The following ELP4 variants were observed in gnomAD, a reference collection of about 807,000 sequenced individuals.
ELP4 encodes the protein elongator complex protein 4.
A neutral mutation model predicts 48.9 loss-of-function variants in ELP4; 51 were observed. The ratio of observed to expected loss-of-function variants is 1.04; its 90% CI spans 0.83 to 1.32. ELP4 has a LOEUF of 1.32. Ranked by LOEUF, ELP4 falls within the 40% of genes most tolerant of loss-of-function variation. ELP4 has a pLI of 0.00. For synonymous variants in ELP4, 210 were observed against 189.2 expected (o/e 1.11, Z -0.90); for missense variants, 519 against 514.6 (o/e 1.01, Z -0.08).
At chr11:31,593,441 GTCA>G (rs1957622629) in intron 3 of ELP4, among the ~76,000 whole-genome samples, 1 of 151,914 alleles carries the variant, frequency 6.6e-6, no homozygotes, top group Non-Finnish European at 1.5e-5. Context: ...ATGGAGTTTT[GTCA>G]TGTTGCCCAA....
At chr11:31,603,156 G>T (rs1957813288) in intron 4 of ELP4, among the ~76,000 whole-genome samples, 1 of 151,726 alleles carries the variant, frequency 6.6e-6, no homozygotes, top group South Asian at 2.1e-4. Context: ...TCTAATGTGG[G>T]TCATATACAT....
intron 3 of ELP4, among the ~76,000 whole-genome samples, chr11:31,590,982 T>G (rs1957559464): frequency 6.6e-6 from 1 of 152,182 alleles, no homozygotes; most frequent in South Asian, 2.1e-4. Context: ...AATTAAGATC[T>G]TTGGTCCATC....
intron 9 of ELP4, among the ~76,000 whole-genome samples, chr11:31,741,185 C>A (rs370650540): frequency 1.3e-5 from 2 of 152,034 alleles, no homozygotes; most frequent in East Asian, 1.9e-4. Flanking sequence ...GGCAGCGAGG[C>A]TAGGGGAGGG....
At chr11:31,713,340 C>T (rs1393946509) in intron 9 of ELP4, among the ~76,000 whole-genome samples, 1 of 152,014 alleles carries the variant, frequency 6.6e-6, no homozygotes, top group Non-Finnish European at 1.5e-5. Flanking sequence ...CTAACTTTTC[C>T]TTTATCAAAT....
intron 5 of ELP4, among the ~76,000 whole-genome samples, chr11:31,617,780 A>G (rs1347601799): frequency 6.6e-6 from 1 of 151,684 alleles, no homozygotes; most frequent in East Asian, 1.9e-4. Flanking sequence ...ATACCACTTC[A>G]CATCCTCTAG....
intron 9 of ELP4, among the ~76,000 whole-genome samples, chr11:31,714,184 A>T (rs1325951526): frequency 6.6e-6 from 1 of 152,204 alleles, no homozygotes; most frequent in Non-Finnish European, 1.5e-5. Flanking sequence ...TTTTAGTAAC[A>T]GTTAGCCAAG....
chr11:31,678,471 A>T (rs994506856), intron 9 of ELP4, among the ~76,000 whole-genome samples: 1 of 146,930 alleles, frequency 6.8e-6, no homozygotes, highest in Admixed American at 6.9e-5. Flanking sequence ...AATAATTGTT[A>T]TTATTTATTG....
chr11:31,509,949 G>A lies in ELP4; in HGVS notation c.165G>A (p.Ser55=). The A allele has an allele frequency of 6.2e-7, 1 of 1,613,272 alleles. No individual in the cohort carries two copies. The highest frequency in any genetic ancestry group is 8.5e-7 in the Non-Finnish European group (1 of 1,180,020). Residue 55 remains serine (S), a synonymous_variant, in exon 1 of 10, where the codon TCG becomes TCA. Transcript: ENST00000640961. ...RLVSIAGTRP[S]VRNGQLLVST... is the part of the protein sequence containing the mutation. ...TGTCCATTGCGGGCACGCGACCGTC[G>A]GTGCGGAATGGACAGCTGCTGGTAT...
chr11:31,757,903 TTTC>T (rs1196487346), intron 9 of ELP4, among the ~76,000 whole-genome samples: 1 of 152,200 alleles, frequency 6.6e-6, no homozygotes, highest in Non-Finnish European at 1.5e-5. Flanking sequence ...TGTAACAGAC[TTTC>T]TTCTTACAAA....
rs534853301 is a variant in ELP4, at chr11:31,691,391, G to A, written c.1143+41170G>A. On this transcript the variant is annotated intron_variant, in intron 9 of 9. Coordinates refer to ENST00000640961, the MANE Select transcript of ELP4 (RefSeq NM_019040.5). Reference sequence around the variant, plus strand: ...TATAATATATCTAATGACCTTTTCAGTTAGAGGTTGTGATGAAAGGTATCA... The same window carrying A: ...TATAATATATCTAATGACCTTTTCAATTAGAGGTTGTGATGAAAGGTATCA... 4.6e-4 allele frequency among the ~76,000 whole-genome samples: 70 copies of A among 152,178 alleles called. No homozygotes were observed. In the South Asian group the frequency reaches 5.8e-3, roughly 13 times the overall value.
intron 3 of ELP4, among the ~76,000 whole-genome samples, chr11:31,570,868 C>A (rs576500776): frequency 3.6e-5 from 5 of 138,312 alleles, no homozygotes; most frequent in African/African-American, 1.4e-4. Context: ...GGCACCATCT[C>A]GGCTCACTGC....
In ELP4 at chr11:31,789,369, A is replaced by G; in HGVS notation, c.*5845A>G. On this transcript the variant is annotated 3_prime_UTR_variant, in exon 10 of 10. Coordinates refer to ENST00000640961, the MANE Select transcript of ELP4 (RefSeq NM_019040.5). ...ATATCTTACCCTTTTTTGCACATAA[A>G]CTTCATCTGTTAACAACCTTTGGAA... 6.8e-6 allele frequency: 2 copies of G among 293,312 alleles called. No individual in the cohort carries two copies. Among genetic ancestry groups the G allele is most frequent in the Non-Finnish European group, 1.3e-5 (2 of 159,518 alleles). The allele number at this position is 293,312 out of a possible 1,614,324, so 18.2% of individuals were successfully genotyped here.
At chr11:31,604,580 A>G (rs1957838187) in intron 5 of ELP4, among the ~76,000 whole-genome samples, 1 of 151,906 alleles carries the variant, frequency 6.6e-6, no homozygotes, top group Non-Finnish European at 1.5e-5. Flanking sequence ...TTCAATTTTT[A>G]TTTCAGTAAG....
intron 3 of ELP4, among the ~76,000 whole-genome samples, chr11:31,543,507 G>A (rs1005178181): frequency 2.0e-4 from 31 of 152,224 alleles, no homozygotes; most frequent in African/African-American, 7.0e-4. Context: ...TTTTAGTAGA[G>A]ACGGGGTTTC....
At chr11:31,588,211 GT>G (rs1438701238) in intron 3 of ELP4, among the ~76,000 whole-genome samples, 1 of 151,928 alleles carries the variant, frequency 6.6e-6, no homozygotes, top group Non-Finnish European at 1.5e-5. Context: ...TTATATAACA[GT>G]TTAACCATTT....
At chr11:31,531,947 G>A (rs974246213) in intron 2 of ELP4, among the ~76,000 whole-genome samples, 2 of 152,074 alleles carry the variant, frequency 1.3e-5, no homozygotes, top group Admixed American at 1.3e-4. Context: ...AAAGATTTAG[G>A]AAGTTAAAGC....
chr11:31,690,796 CTTT>C (rs10653769), intron 9 of ELP4, among the ~76,000 whole-genome samples: 20 of 109,598 alleles, frequency 1.8e-4, no homozygotes, highest in Non-Finnish European at 3.4e-4. Context: ...GTTTTTTTTC[CTTT>C]TTTTTTTTTT....
At chr11:31,713,272 T>C (rs1284574114) in intron 9 of ELP4, among the ~76,000 whole-genome samples, 1 of 152,174 alleles carries the variant, frequency 6.6e-6, no homozygotes, top group Non-Finnish European at 1.5e-5. Context: ...TTAATTAACA[T>C]TTTGTGTTGT....
At chr11:31,638,571 T>A (rs1248063679) in intron 7 of ELP4, among the ~76,000 whole-genome samples, 2 of 151,888 alleles carry the variant, frequency 1.3e-5, no homozygotes, top group Admixed American at 6.6e-5. Flanking sequence ...AGGGCCTTTT[T>A]AAAATATGTC....
Sources: gnomAD v4.1 joint callset for allele counts (sites outside exome capture counted in the v4.1 genomes callset) on GRCh38, gnomAD v4.1.1 for gene constraint, MANE v1.5 for transcripts, NCBI Gene and HGNC (gene_info 2026-07-23, HGNC 2026-07-21) for gene names.